The following SLC9A8 variants were observed in gnomAD, a reference collection of about 807,000 sequenced individuals.
SLC9A8 encodes solute carrier family 9 member A8.
A neutral mutation model predicts 66.6 loss-of-function variants in SLC9A8; 48 were observed. The ratio of observed to expected loss-of-function variants is 0.72; its 90% confidence interval spans 0.57 to 0.92. SLC9A8 has a LOEUF of 0.92. SLC9A8 is among the 40% of genes least tolerant of loss of function. The pLI is 0.00. For missense variants in SLC9A8, 599 were observed against 747.3 expected (o/e 0.80, Z 2.31); for synonymous variants, 274 against 282.6 (o/e 0.97, Z 0.31).
chr20:49,886,656 G>A lies in SLC9A8; in HGVS notation c.1492-96G>A. 1.4e-6 allele frequency: 2 copies of A among 1,436,334 alleles called. No individual in the cohort carries two copies. Among genetic ancestry groups the A allele is most frequent in the Non-Finnish European group, 1.9e-6 (2 of 1,050,704 alleles). The allele number at this position is 1,436,334 out of a possible 1,614,324, so 89.0% of individuals were successfully genotyped here. On this transcript the variant is annotated intron_variant, in intron 14 of 15. Coordinates refer to ENST00000361573, the MANE Select transcript of SLC9A8 (RefSeq NM_015266.3). This position sits in a 1 kb window ranked among gnomAD's most constrained non-coding sequence, Gnocchi z 4.8. ...TGATGGTCAAGTGGAGTTAGGGTTG[G>A]GGACACTGGCGGCCTGGGTGGTGTG...
chr20:49,814,879 A>T lies in SLC9A8; in HGVS notation c.27-129A>T, dbSNP rs1480102121. 4 of 644,896 alleles carry T rather than the reference A, an allele frequency of 6.2e-6. No individual in the cohort carries two copies. In the East Asian group the frequency reaches 1.3e-4, roughly 21 times the overall value. 39.9% of individuals were successfully genotyped at this position (644,896 alleles called of 1,614,324 possible). ...GATTTTCTTAGTAAGTTTCTCTCGA[A>T]GGCCTGCCTGTTAAAGACTTCTGAA... On this transcript the variant is annotated intron_variant, in intron 1 of 15. Coordinates refer to ENST00000361573, the MANE Select transcript of SLC9A8 (RefSeq NM_015266.3).
At chr20:49,881,241 A>G (rs1404198082) in intron 13 of SLC9A8, among the ~76,000 whole-genome samples, 1 of 152,148 alleles carries the variant, frequency 6.6e-6, no homozygotes, top group Admixed American at 6.5e-5. Flanking sequence ...AGGGCAAACA[A>G]CATGCCCAGG....
intron 6 of SLC9A8, 143 bp from the exon 7 acceptor site, chr20:49,850,667 C>A: frequency 1.0e-6 from 1 of 992,094 alleles, no homozygotes. Context: ...GGCTTAGGAG[C>A]TTTTATTTTT....
At chr20:49,868,230 T>C (rs2089055957) in intron 10 of SLC9A8, among the ~76,000 whole-genome samples, 1 of 152,266 alleles carries the variant, frequency 6.6e-6, no homozygotes, top group Admixed American at 6.5e-5. Context: ...TCTTACCTTC[T>C]TTTCAGACTG....
chr20:49,835,431 C>G (rs930054456), intron 3 of SLC9A8, among the ~76,000 whole-genome samples: 76 of 152,088 alleles, frequency 5.0e-4, no homozygotes, highest in African/African-American at 1.5e-3. Context: ...CAGAGTTGTA[C>G]TACCATCACC....
chr20:49,865,370 C>T (rs752690194), intron 10 of SLC9A8, among the ~76,000 whole-genome samples: 7 of 152,064 alleles, frequency 4.6e-5, no homozygotes, highest in Non-Finnish European at 7.4e-5. Context: ...GTGGTGGTGG[C>T]GTAATGTTGG....
intron 3 of SLC9A8, among the ~76,000 whole-genome samples, chr20:49,834,386 G>GTATATATATAC (rs1305272959): frequency 2.7e-5 from 1 of 37,224 alleles, no homozygotes; most frequent in African/African-American, 1.9e-4. Context: ...TATATATACT[G>GTATATATATAC]TGTATATATA....
intron 10 of SLC9A8, among the ~76,000 whole-genome samples, chr20:49,868,549 A>G (rs1043584033): frequency 3.9e-5 from 6 of 152,192 alleles, no homozygotes; most frequent in Non-Finnish European, 8.8e-5. Context: ...TCCCAAGACC[A>G]TGGAGCAGGA....
In SLC9A8 at chr20:49,863,085, T is replaced by C. The variant is rs2088815249; in HGVS notation, c.852+18T>C. 1 of 1,600,060 alleles carries C rather than the reference T, an allele frequency of 6.2e-7. No homozygotes were observed. Among genetic ancestry groups the C allele is most frequent in the African/African-American group, 1.3e-5 (1 of 74,342 alleles). ...CTGCATTAATATCCTTTTAATGTGA[T>C]GAACATGCAGGGTTAAAATTATTCC... On this transcript the variant is annotated intron_variant, in intron 9 of 15. Transcript: ENST00000361573.
At position 49,888,221 on chromosome 20, in the gene SLC9A8, C is replaced by CA; in HGVS notation, c.*286dup. On this transcript the variant is annotated 3_prime_UTR_variant, in exon 16 of 16. Coordinates refer to ENST00000361573, the MANE Select transcript of SLC9A8 (RefSeq NM_015266.3). ...GGGGAGGGAGCATGGGGCCAGGTGC[C>CA]AGTCATCTGTGAAGCTAGGGCGCCT... The CA allele has an allele frequency of 2.8e-6, 1 of 351,878 alleles. No individual in the cohort carries two copies. The highest frequency in any genetic ancestry group is 2.2e-5 in the African/African-American group (1 of 45,760). The allele number at this position is 351,878 out of a possible 1,614,324, so 21.8% of individuals were successfully genotyped here. A position where few individuals can be genotyped will look rare whatever the true frequency, so the allele number is the denominator to read the frequency against.
At chr20:49,824,518 TTTG>T (rs1210654462) in intron 3 of SLC9A8, among the ~76,000 whole-genome samples, 1 of 152,224 alleles carries the variant, frequency 6.6e-6, no homozygotes, top group Non-Finnish European at 1.5e-5. Context: ...CTTACATAAA[TTTG>T]TTATCAAAAT....
At chr20:49,838,297 C>A (rs1439641099) in intron 3 of SLC9A8, among the ~76,000 whole-genome samples, 1 of 152,096 alleles carries the variant, frequency 6.6e-6, no homozygotes, top group East Asian at 1.9e-4. Context: ...CATGTAAAAG[C>A]TCCTTAAAAT....
At chr20:49,875,855 C>A (rs550772950) in intron 11 of SLC9A8, among the ~76,000 whole-genome samples, 21 of 152,106 alleles carry the variant, frequency 1.4e-4, no homozygotes, top group African/African-American at 5.1e-4. Flanking sequence ...CTACCTCAGC[C>A]TCCGGAGTAG....
intron 8 of SLC9A8, among the ~76,000 whole-genome samples, chr20:49,859,044 C>T (rs2088629321): frequency 6.6e-6 from 1 of 152,066 alleles, no homozygotes; most frequent in African/African-American, 2.4e-5. Flanking sequence ...TGTATAGTTT[C>T]CAGTCTCCTC....
At chr20:49,817,312 C>T (rs866342946) in intron 2 of SLC9A8, among the ~76,000 whole-genome samples, 3 of 151,906 alleles carry the variant, frequency 2.0e-5, no homozygotes, top group Middle Eastern at 3.4e-3. Context: ...AGGGAAACTC[C>T]ATACCCCACC....
chr20:49,812,969 G>GTC, intron 1 of SLC9A8, 21 bp downstream of exon 1: 1 of 1,392,886 alleles, frequency 7.2e-7, no homozygotes, highest in Non-Finnish European at 9.3e-7. Context: ...TTTTTCCCGG[G>GTC]CGGCGGAGGC....
intron 3 of SLC9A8, among the ~76,000 whole-genome samples, chr20:49,832,326 G>C (rs1411195342): frequency 6.6e-6 from 1 of 152,164 alleles, no homozygotes; most frequent in Non-Finnish European, 1.5e-5. Flanking sequence ...CCTGGGGTCT[G>C]TCGGGGGTGA....
chr20:49,820,931 G>A (rs2086717814), intron 2 of SLC9A8, among the ~76,000 whole-genome samples: 1 of 152,088 alleles, frequency 6.6e-6, no homozygotes, highest in Non-Finnish European at 1.5e-5. Flanking sequence ...TATTGATGTT[G>A]AACATCTTTT....
intron 5 of SLC9A8, among the ~76,000 whole-genome samples, chr20:49,849,058 G>A (rs1277207248): frequency 6.6e-6 from 1 of 152,178 alleles, no homozygotes; most frequent in Non-Finnish European, 1.5e-5. Flanking sequence ...TCTGGGAAGA[G>A]TTGAAATGTC....
Sources: allele counts gnomAD v4.1 joint callset (sites outside exome capture counted in the v4.1 genomes callset), GRCh38; gene constraint gnomAD v4.1.1; non-coding constraint Gnocchi (gnomAD v3.1); transcripts MANE v1.5; gene names NCBI Gene and HGNC (gene_info 2026-07-23, HGNC 2026-07-21).